Variants in PPARGC1A observed in about 807,000 individuals in gnomAD.
The protein encoded by PPARGC1A is peroxisome proliferator-activated receptor gamma coactivator 1-alpha.
Under a neutral mutation model 88.7 loss-of-function variants are expected in PPARGC1A, and 25 were observed. The observed-to-expected ratio is 0.28, with a 90% confidence interval of 0.21 to 0.39. PPARGC1A has a LOEUF of 0.39. Ranked by LOEUF, PPARGC1A falls within the 10% of genes least tolerant of loss-of-function variation. The probability of loss-of-function intolerance (pLI) is 1.00; values close to 1 mark genes in which losing one functional copy is unlikely to be tolerated. For missense variants in PPARGC1A, 880 were observed against 968.7 expected, an observed-to-expected ratio of 0.91 and a Z score of 1.22; for synonymous variants, 363 against 355.6, an observed-to-expected ratio of 1.02 and a Z score of -0.24.
chr4:23,930,664 G>A, the PPARGC1A span, among the ~76,000 whole-genome samples: 1 of 152,180 alleles, frequency 6.6e-6, no homozygotes, highest in Non-Finnish European at 1.5e-5. Context: ...GAAACCAGTA[G>A]CACCCTTCAG....
chr4:24,327,121 A>G, the PPARGC1A span, among the ~76,000 whole-genome samples: 1 of 152,198 alleles, frequency 6.6e-6, no homozygotes, highest in Non-Finnish European at 1.5e-5. Flanking sequence ...CAATACTTTT[A>G]CCACTTTCCC....
the PPARGC1A span, among the ~76,000 whole-genome samples, chr4:24,171,231 C>A: frequency 6.6e-6 from 1 of 152,024 alleles, no homozygotes; most frequent in East Asian, 1.9e-4. Flanking sequence ...CATGGTGAAA[C>A]CCTGTCTCTA....
At chr4:24,273,705 G>T in the PPARGC1A span, among the ~76,000 whole-genome samples, 1 of 148,950 alleles carries the variant, frequency 6.7e-6, no homozygotes, top group African/African-American at 2.5e-5. Context: ...CTCTAAAATA[G>T]CTTTTGTCCC....
chr4:23,876,227 A>G (rs569560628), intron 2 of PPARGC1A, among the ~76,000 whole-genome samples: 1 of 152,342 alleles, frequency 6.6e-6, no homozygotes, highest in Non-Finnish European at 1.5e-5. Context: ...TACAAAGTAC[A>G]CTGCAGTAGA....
chr4:23,923,037 A>G, the PPARGC1A span, among the ~76,000 whole-genome samples: 1 of 150,696 alleles, frequency 6.6e-6, no homozygotes, highest in African/African-American at 2.4e-5. Context: ...GCTGCCTTTA[A>G]CTCCTCTGAT....
At chr4:24,049,283 T>C in the PPARGC1A span, among the ~76,000 whole-genome samples, 51 of 120,236 alleles carry the variant, frequency 4.2e-4, no homozygotes, top group Non-Finnish European at 7.8e-4. Flanking sequence ...TATACACATA[T>C]ATATGTGTGT....
chr4:24,173,455 G>C, the PPARGC1A span, among the ~76,000 whole-genome samples: 1 of 152,066 alleles, frequency 6.6e-6, no homozygotes. Flanking sequence ...CCAGCTACTC[G>C]GGAGGCTGAG....
the PPARGC1A span, among the ~76,000 whole-genome samples, chr4:23,958,693 A>G: frequency 6.6e-6 from 1 of 152,088 alleles, no homozygotes; most frequent in East Asian, 1.9e-4. Context: ...CTAATGTAAA[A>G]TATTTATACC....
the PPARGC1A span, among the ~76,000 whole-genome samples, chr4:24,315,496 CTCAGA>C: frequency 6.6e-6 from 1 of 152,222 alleles, no homozygotes; most frequent in Admixed American, 6.5e-5. Flanking sequence ...TTGCACAGCA[CTCAGA>C]AGTGCACCTG....
At chr4:24,010,360 A>G in the PPARGC1A span, among the ~76,000 whole-genome samples, 1 of 152,162 alleles carries the variant, frequency 6.6e-6, no homozygotes, top group African/African-American at 2.4e-5. Flanking sequence ...TAAAGGAGGG[A>G]GTAATTCAGA....
chr4:24,258,891 G>T, the PPARGC1A span, among the ~76,000 whole-genome samples: 1 of 152,126 alleles, frequency 6.6e-6, no homozygotes, highest in Non-Finnish European at 1.5e-5. Flanking sequence ...TATTTATTGA[G>T]TTCTTACTAT....
the PPARGC1A span, among the ~76,000 whole-genome samples, chr4:24,248,405 G>A: frequency 6.6e-6 from 1 of 152,010 alleles, no homozygotes; most frequent in Non-Finnish European, 1.5e-5. Flanking sequence ...GATTACAGGC[G>A]TGAGAACCCT....
intron 7 of PPARGC1A, among the ~76,000 whole-genome samples, chr4:23,815,882 G>A (rs1721892270): frequency 6.6e-6 from 1 of 152,084 alleles, no homozygotes; most frequent in Non-Finnish European, 1.5e-5. Context: ...GGAAAAAAAT[G>A]CTACCTTGCT....
At chr4:24,387,018 G>A in the PPARGC1A span, among the ~76,000 whole-genome samples, 1 of 152,144 alleles carries the variant, frequency 6.6e-6, no homozygotes, top group African/African-American at 2.4e-5. Flanking sequence ...AACCAAAACA[G>A]CATGGTACTG....
upstream of PPARGC1A, among the ~76,000 whole-genome samples, chr4:23,892,794 T>C (rs1198597480): frequency 6.6e-6 from 1 of 152,144 alleles, no homozygotes; most frequent in Non-Finnish European, 1.5e-5. Context: ...TCACAAGGAC[T>C]GCCAAGAAAG....
At chr4:24,330,005 C>T in the PPARGC1A span, among the ~76,000 whole-genome samples, 1 of 152,180 alleles carries the variant, frequency 6.6e-6, no homozygotes, top group Non-Finnish European at 1.5e-5. Flanking sequence ...TACTGCCTGG[C>T]TTTCAGGACC....
chr4:23,997,497 C>CTT, the PPARGC1A span, among the ~76,000 whole-genome samples: 4,280 of 96,906 alleles, frequency 0.044, 142 homozygotes, highest in Non-Finnish European at 0.062. Flanking sequence ...CAAGAAAGCC[C>CTT]TTTTTTTTTT....
At chr4:24,172,133 C>CTGGG in the PPARGC1A span, among the ~76,000 whole-genome samples, 6 of 152,164 alleles carry the variant, frequency 3.9e-5, no homozygotes, top group Non-Finnish European at 1.5e-5. Flanking sequence ...GAGAAAAAGG[C>CTGGG]TGGGGCCAAG....
the PPARGC1A span, among the ~76,000 whole-genome samples, chr4:24,009,620 G>C: frequency 2.0e-5 from 3 of 152,176 alleles, no homozygotes; most frequent in Non-Finnish European, 2.9e-5. Flanking sequence ...GAAGTGAAGT[G>C]GGTAAAACAC....
Sources: gnomAD v4.1 joint callset for allele counts (sites outside exome capture counted in the v4.1 genomes callset) on GRCh38, gnomAD v4.1.1 for gene constraint, MANE v1.5 for transcripts, NCBI Gene and HGNC (gene_info 2026-07-23, HGNC 2026-07-21) for gene names.